The following SDK1 variants were observed in gnomAD, a reference collection of about 807,000 sequenced individuals.
SDK1 encodes the protein protein sidekick-1.
A neutral mutation model predicts 245.5 loss-of-function variants in SDK1; 157 were observed. The observed-to-expected ratio is 0.64, with a 90% CI of 0.56 to 0.73. SDK1 has a LOEUF of 0.73. SDK1 is among the 30% of genes least tolerant of loss of function. SDK1 has a pLI of 0.00. For missense variants in SDK1, 3,583 were observed against 3,002.3 expected, an observed-to-expected ratio of 1.19 and a Z score of -4.52; for synonymous variants, 1,647 against 1,278.5, an observed-to-expected ratio of 1.29 and a Z score of -6.15.
At chr7:3,603,629 C>G (rs1383049836) in intron 1 of SDK1, among the ~76,000 whole-genome samples, 1 of 152,158 alleles carries the variant, frequency 6.6e-6, no homozygotes, top group Non-Finnish European at 1.5e-5. Context: ...CGTCTGCAAA[C>G]AGGGACAATT....
intron 1 of SDK1, among the ~76,000 whole-genome samples, chr7:3,617,156 C>T (rs1226606349): frequency 1.3e-5 from 2 of 152,068 alleles, no homozygotes; most frequent in African/African-American, 2.4e-5. Flanking sequence ...ATATATAAGG[C>T]ATTTAGAATG....
chr7:3,888,703 G>T (rs1781391475), intron 5 of SDK1, among the ~76,000 whole-genome samples: 1 of 152,294 alleles, frequency 6.6e-6, no homozygotes, highest in African/African-American at 2.4e-5. Flanking sequence ...TGGAGAAGGA[G>T]ATTTCATTTT....
chr7:3,884,101 G>A (rs1333978478), intron 5 of SDK1, among the ~76,000 whole-genome samples: 1 of 139,870 alleles, frequency 7.1e-6, no homozygotes, highest in Non-Finnish European at 1.5e-5. Flanking sequence ...TTTTTTTTGA[G>A]ACAGGGTCTC....
At chr7:3,791,795 T>C (rs1334004327) in intron 4 of SDK1, among the ~76,000 whole-genome samples, 1 of 152,136 alleles carries the variant, frequency 6.6e-6, no homozygotes, top group Non-Finnish European at 1.5e-5. Context: ...TGGCCAGTTA[T>C]GGAACAAAGC....
chr7:3,918,674 A>C (rs1779474515), intron 5 of SDK1, among the ~76,000 whole-genome samples: 1 of 152,198 alleles, frequency 6.6e-6, no homozygotes, highest in African/African-American at 2.4e-5. Context: ...TTGGTAGAAA[A>C]ACTGTCTTCT....
At position 3,668,711 on chromosome 7, in the gene SDK1, A is replaced by T. The variant is rs140939760; in HGVS notation, c.713+26606A>T. ...GAGGCTGAGGCAGGAGAATCACTTG[A>T]ACCTGGGAGGCGGAGTTTGCAGTGA... is the stretch of plus-strand genomic sequence containing the variant. On this transcript the variant is annotated intron_variant, in intron 4 of 44. Transcript: ENST00000404826. 5.0e-3 allele frequency among the ~76,000 whole-genome samples: 759 copies of T among 152,324 alleles called. 7 individuals carry two copies. The highest frequency in any genetic ancestry group is 0.017 in the African/African-American group (708 of 41,582).
chr7:3,957,870 C>T (rs924258954), intron 7 of SDK1, among the ~76,000 whole-genome samples: 1 of 152,178 alleles, frequency 6.6e-6, no homozygotes, highest in Non-Finnish European at 1.5e-5. Flanking sequence ...GAATTTGCAG[C>T]CATCTCCTCA....
At chr7:4,102,849 A>G (rs942216766) in intron 22 of SDK1, among the ~76,000 whole-genome samples, 1 of 151,928 alleles carries the variant, frequency 6.6e-6, no homozygotes, top group East Asian at 1.9e-4. Flanking sequence ...CAGCTCCCCT[A>G]ATGGGCCTGA....
At chr7:3,630,294 C>T (rs1440719349) in intron 2 of SDK1, among the ~76,000 whole-genome samples, 3 of 152,054 alleles carry the variant, frequency 2.0e-5, no homozygotes, top group Non-Finnish European at 2.9e-5. Context: ...AAAAGGCATC[C>T]AGATTGTAAA....
intron 35 of SDK1, among the ~76,000 whole-genome samples, chr7:4,204,728 G>A (rs114889051): frequency 1.9e-3 from 296 of 152,346 alleles, no homozygotes; most frequent in African/African-American, 6.9e-3. Flanking sequence ...GTGCTCGGCT[G>A]GCCTCTGCCT....
intron 1 of SDK1, among the ~76,000 whole-genome samples, chr7:3,612,051 G>A (rs1781611710): frequency 6.6e-6 from 1 of 152,114 alleles, no homozygotes; most frequent in Admixed American, 6.5e-5. Context: ...AAGCTGTGAG[G>A]ATGCCTAAGA....
intron 4 of SDK1, among the ~76,000 whole-genome samples, chr7:3,758,352 A>G (rs911281490): frequency 7.2e-5 from 11 of 152,152 alleles, no homozygotes; most frequent in African/African-American, 2.7e-4. Flanking sequence ...TTTTTCTGTA[A>G]AGGAAATCTG....
chr7:4,070,911 C>T (rs1484032482), intron 20 of SDK1, among the ~76,000 whole-genome samples: 1 of 151,146 alleles, frequency 6.6e-6, no homozygotes, highest in Admixed American at 6.6e-5. Flanking sequence ...GGGGTTTCAC[C>T]ATGTTAGCCA....
intron 1 of SDK1, among the ~76,000 whole-genome samples, chr7:3,377,644 C>T (rs1583767920): frequency 6.6e-6 from 1 of 152,172 alleles, no homozygotes; most frequent in Non-Finnish European, 1.5e-5. Context: ...CTAATGTCCA[C>T]ACCTGAAGCT....
chr7:3,551,870 A>G (rs920933654), intron 1 of SDK1, among the ~76,000 whole-genome samples: 1 of 152,034 alleles, frequency 6.6e-6, no homozygotes. Flanking sequence ...GTTTTTAAGG[A>G]ACAATTTTCT....
intron 1 of SDK1, among the ~76,000 whole-genome samples, chr7:3,311,260 G>C (rs1381332788): frequency 1.3e-5 from 2 of 152,164 alleles, no homozygotes; most frequent in African/African-American, 4.8e-5. Flanking sequence ...TTGAACTGCA[G>C]TAGTATTGGG....
chr7:4,092,637 T>A (rs1050299056), intron 22 of SDK1, among the ~76,000 whole-genome samples: 3 of 152,068 alleles, frequency 2.0e-5, no homozygotes, highest in African/African-American at 7.2e-5. Context: ...GGGCTAGAAT[T>A]TGGGGAGGAG....
At chr7:3,637,348 C>T (rs1239922334) in intron 2 of SDK1, among the ~76,000 whole-genome samples, 6 of 152,162 alleles carry the variant, frequency 3.9e-5, no homozygotes, top group Non-Finnish European at 7.4e-5. Flanking sequence ...CTGCCTGCCT[C>T]GGCCTCCCAA....
In SDK1 at chr7:4,135,545, CCT is replaced by C. The variant is rs533948010; in HGVS notation, c.4228+3123_4228+3124del. Among the ~76,000 whole-genome samples, 198 of 152,330 alleles carry C rather than the reference CCT, an allele frequency of 1.3e-3. 2 individuals carry two copies. Among genetic ancestry groups the C allele is most frequent in the African/African-American group, 4.5e-3 (186 of 41,574 alleles). On this transcript the variant is annotated intron_variant, in intron 28 of 44. Coordinates refer to ENST00000404826, the MANE Select transcript of SDK1 (RefSeq NM_152744.4). ...TTGGGGCTGCCTGCTTTTCCTTTCC[CCT>C]GTGTTTTCAACACTGCATCACGGAC...
Sources: allele counts gnomAD v4.1 joint callset (sites outside exome capture counted in the v4.1 genomes callset), GRCh38; gene constraint gnomAD v4.1.1; transcripts MANE v1.5; gene names NCBI Gene and HGNC (gene_info 2026-07-23, HGNC 2026-07-21).